RNF139: variants seen among roughly 807,000 people sequenced by gnomAD.
RNF139 encodes ring finger protein 139.
In RNF139, 15 loss-of-function variants were observed where a neutral mutation model predicts 49.5. That is an observed-to-expected ratio of 0.30 (90% confidence interval 0.20 to 0.47). The LOEUF is 0.47. Ranked by LOEUF, RNF139 falls within the 20% of genes least tolerant of loss-of-function variation. The probability of loss-of-function intolerance (pLI) is 1.00; values close to 1 mark genes in which losing one functional copy is unlikely to be tolerated. For missense variants in RNF139, 619 were observed against 806.3 expected (o/e 0.77, Z 2.81); for synonymous variants, 325 against 300.9 (o/e 1.08, Z -0.83).
At chr8:124,476,204 A>G (rs931950377) in intron 1 of RNF139, among the ~76,000 whole-genome samples, 1 of 152,238 alleles carries the variant, frequency 6.6e-6, no homozygotes, top group Non-Finnish European at 1.5e-5. Flanking sequence ...ATTACAAGCC[A>G]TCTGTTGCTT....
chr8:124,486,865 C>T lies in RNF139; in HGVS notation c.1216C>T (p.Leu406Phe). ...SACLFILPVL[L>F]SYVLWHHYAL... is the part of the protein sequence containing the mutation. ...TTGCCTGTTTATTCTTCCTGTCTTA[C>T]TCAGTTATGTTCTTTGGCATCACTA... is the stretch of plus-strand genomic sequence containing the variant. Residue 406 changes from leucine (L) to phenylalanine (F), a missense_variant, in exon 2 of 2, where the codon CTC (leucine) becomes TTC (phenylalanine). By Grantham distance (22) the Leu-to-Phe change is conservative. This residue lies in a region of RNF139 where 530 missense variants were observed against 728.9 expected (regional missense o/e 0.73). Coordinates refer to ENST00000303545, the MANE Select transcript of RNF139 (RefSeq NM_007218.4). The T allele has an allele frequency of 1.9e-6, 3 of 1,613,828 alleles. No homozygotes were observed. Among genetic ancestry groups the T allele is most frequent in the Non-Finnish European group, 8.5e-7 (1 of 1,179,968 alleles).
At position 124,487,252 on chromosome 8, in the gene RNF139, A is replaced by G; in HGVS notation, c.1603A>G (p.Ile535Val). The G allele has an allele frequency of 6.2e-7, 1 of 1,613,896 alleles. No individual in the cohort carries two copies. Among genetic ancestry groups the G allele is most frequent in the Non-Finnish European group, 8.5e-7 (1 of 1,179,944 alleles). ...GAAGAAAATTAATTCACTTCCTGAA[A>G]TAAAAGGGAGCCGCTTACAAGAAAT... ...AVKKINSLPE[I>V]KGSRLQEIND... The change falls in exon 2 of 2, where the codon ATA becomes GTA. Residue 535 changes from isoleucine (I) to valine (V), a missense_variant. Coordinates refer to ENST00000303545, the MANE Select transcript of RNF139 (RefSeq NM_007218.4).
Position 124,488,476 on chromosome 8 carries a change from GT to G in RNF139, c.*833del. 1 of 576,392 alleles carries G rather than the reference GT, an allele frequency of 1.7e-6. No individual in the cohort carries two copies. The highest frequency in any genetic ancestry group is 2.5e-5 in the South Asian group (1 of 39,498). 35.7% of individuals were successfully genotyped at this position (576,392 alleles called of 1,614,324 possible). ...AAGAAGGGGAATGGTGGGGAATGGT[GT>G]GTACCGATATATAGTATTTCTTTAG... On this transcript the variant is annotated 3_prime_UTR_variant, in exon 2 of 2. Coordinates refer to ENST00000303545, the MANE Select transcript of RNF139 (RefSeq NM_007218.4).
intron 1 of RNF139, among the ~76,000 whole-genome samples, chr8:124,482,291 G>A (rs1318399069): frequency 6.6e-6 from 1 of 151,852 alleles, no homozygotes; most frequent in Non-Finnish European, 1.5e-5. Context: ...ACAAGCTTCA[G>A]GAAAAAAGTT....
At chr8:124,482,934 A>AT (rs1383817875) in intron 1 of RNF139, among the ~76,000 whole-genome samples, 1 of 98,990 alleles carries the variant, frequency 1.0e-5, no homozygotes, top group African/African-American at 3.6e-5. Flanking sequence ...TAAAAAAAAT[A>AT]TAAAAAAAAA....
At chr8:124,478,783 G>T (rs972896164) in intron 1 of RNF139, among the ~76,000 whole-genome samples, 1 of 150,064 alleles carries the variant, frequency 6.7e-6, no homozygotes, top group Non-Finnish European at 1.5e-5. Flanking sequence ...GCAATGGCGT[G>T]ATCTCGGCTC....
Position 124,478,723 on chromosome 8 carries a change from C to CTT in RNF139, c.181+3446_181+3447dup, listed in dbSNP as rs199911545. Among the ~76,000 whole-genome samples, 10 of 141,844 alleles carry CTT rather than the reference C, an allele frequency of 7.1e-5. No individual in the cohort carries two copies. In the South Asian group the frequency reaches 9.0e-4, roughly 13 times the overall value. 93.1% of individuals were successfully genotyped at this position (141,844 alleles called of 152,430 possible). On this transcript the variant is annotated intron_variant, in intron 1 of 1. Transcript: ENST00000303545. ...GGTAAATTTATACAATTTTGGAAGA[C>CTT]TTTTTTTTTTTTTTGAGACGGAGTT...
Position 124,488,105 on chromosome 8 carries a change from A to G in RNF139, c.*461A>G, listed in dbSNP as rs1816575516. 6.6e-6 allele frequency among the ~76,000 whole-genome samples: 1 copy of G among 152,228 alleles called. No homozygotes were observed. The highest frequency in any genetic ancestry group is 2.1e-4 in the South Asian group (1 of 4,832). On this transcript the variant is annotated 3_prime_UTR_variant, in exon 2 of 2. Coordinates refer to ENST00000303545, the MANE Select transcript of RNF139 (RefSeq NM_007218.4). ...GACCAGAGGATAAAGGACATGAGAG[A>G]GTATTTTAAAACTAAAGAAAAAATT...
chr8:124,486,403 G>C lies in RNF139; in HGVS notation c.754G>C (p.Val252Leu). 1 of 1,614,168 alleles carries C rather than the reference G, an allele frequency of 6.2e-7. No individual in the cohort carries two copies. Among genetic ancestry groups the C allele is most frequent in the Non-Finnish European group, 8.5e-7 (1 of 1,180,022 alleles). ...AACAAGAGTTACAGCTCAGGCTACA[G>C]TGTTAATGTACATCTTAAGGATGGC... is the stretch of plus-strand genomic sequence containing the variant. ...WLTRVTAQAT[V>L]LMYILRMANE... is the part of the protein sequence containing the mutation. The change falls in exon 2 of 2, where the codon GTG becomes CTG. Residue 252 changes from valine to leucine, a missense_variant. Physicochemically the swap from Val to Leu is conservative, Grantham distance 32. Coordinates refer to ENST00000303545, the MANE Select transcript of RNF139 (RefSeq NM_007218.4).
intron 1 of RNF139, among the ~76,000 whole-genome samples, chr8:124,483,891 A>G (rs1816489877): frequency 1.3e-5 from 2 of 152,192 alleles, no homozygotes; most frequent in South Asian, 4.1e-4. Context: ...TACTAATTGT[A>G]CTTATTTTGT....
Position 124,486,420 on chromosome 8 carries a change from A to G in RNF139, c.771A>G (p.Leu257=). 1 of 1,614,198 alleles carries G rather than the reference A, an allele frequency of 6.2e-7. No homozygotes were observed. Among genetic ancestry groups the G allele is most frequent in the Non-Finnish European group, 8.5e-7 (1 of 1,180,024 alleles). Residue 257 remains leucine (L), a synonymous_variant, in exon 2 of 2, where the codon TTA becomes TTG. Transcript: ENST00000303545. The stretch of plus-strand genomic sequence containing the variant: ...AGGCTACAGTGTTAATGTACATCTT[A>G]AGGATGGCAAATGAAACTGATTCCT... The part of the protein sequence containing the change: ...TAQATVLMYI[L]RMANETDSFF...
At chr8:124,478,722 A>C (rs1406530867) in intron 1 of RNF139, among the ~76,000 whole-genome samples, 6 of 148,520 alleles carry the variant, frequency 4.0e-5, no homozygotes, top group Admixed American at 1.3e-4. Context: ...ATTTTGGAAG[A>C]CTTTTTTTTT....
chr8:124,482,935 TAAAAAA>T (rs201354230), intron 1 of RNF139, among the ~76,000 whole-genome samples: 9 of 79,600 alleles, frequency 1.1e-4, no homozygotes, highest in Non-Finnish European at 2.0e-4. Context: ...AAAAAAAATA[TAAAAAA>T]AAATATATAT....
intron 1 of RNF139, among the ~76,000 whole-genome samples, chr8:124,483,111 A>AAAATATATTT (rs1816475441): frequency 0.012 from 1 of 86 alleles, no homozygotes; most frequent in Non-Finnish European, 0.021. Context: ...ATATATATTA[A>AAAATATATTT]AAATATATAT....
rs1816533361 is a variant in RNF139 at position 124,486,501 on chromosome 8, G to A, written c.852G>A (p.Gly284=). The A allele has an allele frequency of 6.2e-6, 10 of 1,613,894 alleles. No individual in the cohort carries two copies. The highest frequency in any genetic ancestry group is 2.2e-5 in the East Asian group (1 of 44,870). ...WDLICNLIIS[G]CDSTLTVLGM... ...TCATTTGCAATCTTATAATTAGTGG[G>A]TGCGATTCTACACTAACTGTACTGG... Residue 284 remains glycine (G), a synonymous_variant, in exon 2 of 2, where the codon GGG becomes GGA. Coordinates refer to ENST00000303545, the MANE Select transcript of RNF139 (RefSeq NM_007218.4).
rs1816526831 is a variant in RNF139 at position 124,486,283 on chromosome 8, G to A, written c.634G>A (p.Val212Met). The change falls in exon 2 of 2, where the codon GTG (valine) becomes ATG (methionine). Residue 212 changes from valine (V) to methionine (M), a missense_variant. Physicochemically the swap from Val to Met is conservative, Grantham distance 21 (BLOSUM62 1). This residue lies in a region of RNF139 where 530 missense variants were observed against 728.9 expected (regional missense o/e 0.73). Transcript: ENST00000303545. ...YYSTRYVYLL[V>M]RHMYRIYGLQ... The stretch of plus-strand genomic sequence containing the variant: ...TTCCACACGATATGTTTATCTTTTG[G>A]TGAGGCACATGTATCGAATTTACGG... 1.2e-6 allele frequency: 2 copies of A among 1,614,068 alleles called. No individual in the cohort carries two copies. The highest frequency in any genetic ancestry group is 1.7e-6 in the Non-Finnish European group (2 of 1,179,992).
intron 1 of RNF139, among the ~76,000 whole-genome samples, chr8:124,475,851 G>A (rs1334078652): frequency 4.6e-5 from 7 of 152,200 alleles, no homozygotes; most frequent in Admixed American, 1.3e-4. Context: ...TGAAAGCGGC[G>A]ATGCTTAAAT....
chr8:124,480,657 T>C (rs769878064), intron 1 of RNF139, among the ~76,000 whole-genome samples: 5 of 152,166 alleles, frequency 3.3e-5, no homozygotes, highest in South Asian at 2.1e-4. Context: ...ATAGGCAAGA[T>C]TGATTAGATC....
intron 1 of RNF139, among the ~76,000 whole-genome samples, chr8:124,482,204 G>T (rs569855090): frequency 6.6e-6 from 1 of 151,924 alleles, no homozygotes; most frequent in South Asian, 2.1e-4. Flanking sequence ...TGATACATTT[G>T]CATAAAGCAA....
Sources: allele counts gnomAD v4.1 joint callset (sites outside exome capture counted in the v4.1 genomes callset), GRCh38; gene constraint gnomAD v4.1.1; regional missense constraint gnomAD v4.1.1; transcripts MANE v1.5; gene names NCBI Gene and HGNC (gene_info 2026-07-23, HGNC 2026-07-21).